ACBD6: variants seen among roughly 807,000 people sequenced by gnomAD.
ACBD6 encodes the protein acyl-CoA binding domain containing 6, also known as acyl-CoA-binding domain-containing protein 6.
In ACBD6, 28 loss-of-function variants were observed where a neutral mutation model predicts 37.2. That is an observed-to-expected ratio of 0.75 (90% CI 0.56 to 1.03). ACBD6 has a LOEUF of 1.03. Ranked by LOEUF, ACBD6 falls within the 50% of genes least tolerant of loss-of-function variation. The pLI, the probability that ACBD6 is intolerant of heterozygous loss-of-function variation, is 0.00. For missense variants in ACBD6, 340 were observed against 337.4 expected (o/e 1.01, Z -0.06); for synonymous variants, 113 against 126.8 (o/e 0.89, Z 0.73).
At chr1:180,469,691 C>T (rs1331809838) in intron 3 of ACBD6, among the ~76,000 whole-genome samples, 6 of 152,146 alleles carry the variant, frequency 3.9e-5, no homozygotes, top group Non-Finnish European at 7.4e-5. Flanking sequence ...ATTAATGTTT[C>T]CCTGTGAATA....
At chr1:180,478,916 C>A (rs1209894543) in intron 3 of ACBD6, among the ~76,000 whole-genome samples, 1 of 152,072 alleles carries the variant, frequency 6.6e-6, no homozygotes, top group Non-Finnish European at 1.5e-5. Context: ...TCACTTGAGC[C>A]CAGGTGTTCA....
intron 6 of ACBD6, among the ~76,000 whole-genome samples, chr1:180,364,973 T>C (rs1364306689): frequency 6.6e-6 from 1 of 152,168 alleles, no homozygotes; most frequent in East Asian, 1.9e-4. Flanking sequence ...GACCTCGTGA[T>C]CCGCCCACCT....
At chr1:180,488,103 TTG>T (rs59324454) in intron 3 of ACBD6, among the ~76,000 whole-genome samples, 13 of 150,706 alleles carry the variant, frequency 8.6e-5, no homozygotes, top group South Asian at 4.2e-4. Flanking sequence ...TGTGTGTGTG[TTG>T]TGTGTGTGTG....
Position 180,383,068 on chromosome 1 carries a change from C to T in ACBD6, c.663+14448G>A, listed in dbSNP as rs118110967. The stretch of plus-strand genomic sequence containing the variant: ...CAACATATAAAAGCTATATGACAAA[C>T]GCACAGCTAACATCGTACCAAATGG... On this transcript the variant is annotated intron_variant, in intron 6 of 7. Coordinates refer to ENST00000367595, the MANE Select transcript of ACBD6 (RefSeq NM_032360.4). Among the ~76,000 whole-genome samples, 103 of 152,298 alleles carry T rather than the reference C, an allele frequency of 6.8e-4. 1 individual carries two copies. In the East Asian group the frequency reaches 0.015, roughly 23 times the overall value.
intron 9 of ACBD6, chr1:180,281,198 G>C (rs1355771538): frequency 6.6e-6 from 1 of 152,134 alleles, no homozygotes; most frequent in African/African-American, 2.4e-5. Context: ...CTGGAGACTG[G>C]CACCTGAGCA....
chr1:180,457,598 G>T (rs1197561792), intron 3 of ACBD6, among the ~76,000 whole-genome samples: 1 of 151,892 alleles, frequency 6.6e-6, no homozygotes, highest in Non-Finnish European at 1.5e-5. Flanking sequence ...ACAATCAAAG[G>T]GCAGAGAAAA....
intron 6 of ACBD6, among the ~76,000 whole-genome samples, chr1:180,394,346 C>T (rs188073480): frequency 2.0e-5 from 3 of 151,876 alleles, no homozygotes; most frequent in Admixed American, 2.0e-4. Context: ...TGACTCAGCC[C>T]CCTAAAGTGC....
At chr1:180,397,740 C>T (rs1329202103) in intron 5 of ACBD6, 135 bp from the exon 6 acceptor site, 4 of 804,684 alleles carry the variant, frequency 5.0e-6, no homozygotes, top group Non-Finnish European at 8.3e-6. Context: ...ATAAAAAATG[C>T]ACTATGGAAA....
intron 6 of ACBD6, among the ~76,000 whole-genome samples, chr1:180,316,389 A>G (rs1285601321): frequency 6.6e-6 from 1 of 151,994 alleles, no homozygotes; most frequent in Admixed American, 6.6e-5. Context: ...ATGCATTCAC[A>G]TTTATAGTTT....
intron 3 of ACBD6, among the ~76,000 whole-genome samples, chr1:180,491,399 A>G (rs999411142): frequency 1.4e-4 from 22 of 152,358 alleles, no homozygotes; most frequent in African/African-American, 5.3e-4. Context: ...ATGTTCTCCA[A>G]TAAGTATATG....
chr1:180,450,284 A>G (rs1456538137), intron 3 of ACBD6, among the ~76,000 whole-genome samples: 2 of 152,252 alleles, frequency 1.3e-5, no homozygotes, highest in Non-Finnish European at 2.9e-5. Context: ...CACTATGCCT[A>G]AAACAGTCTG....
chr1:180,300,192 T>C lies in ACBD6; in HGVS notation c.695-11675A>G, dbSNP rs371627905. Among the ~76,000 whole-genome samples, 6 of 152,166 alleles carry C rather than the reference T, an allele frequency of 3.9e-5. No individual in the cohort carries two copies. In the East Asian group the frequency reaches 5.8e-4, roughly 15 times the overall value. On this transcript the variant is annotated intron_variant, in intron 7 of 7. Transcript: ENST00000367595. ...ATCCCCAAAGACATCCCCAACACTG[T>C]CTGCACTCACTGGATTTAACGATAC...
intron 3 of ACBD6, among the ~76,000 whole-genome samples, chr1:180,438,120 C>A (rs1236928823): frequency 6.6e-6 from 1 of 152,174 alleles, no homozygotes. Context: ...CTATTGTGAA[C>A]TGCACATGTG....
chr1:180,311,526 C>T (rs1301188449), intron 7 of ACBD6, among the ~76,000 whole-genome samples: 1 of 152,176 alleles, frequency 6.6e-6, no homozygotes, highest in African/African-American at 2.4e-5. Context: ...CAGCCTCCAA[C>T]TCCTGGACTC....
At chr1:180,351,392 C>T (rs1652413226) in intron 6 of ACBD6, among the ~76,000 whole-genome samples, 1 of 151,824 alleles carries the variant, frequency 6.6e-6, no homozygotes, top group African/African-American at 2.4e-5. Flanking sequence ...TCTCCTGCCT[C>T]GGCCTCCCGA....
intron 6 of ACBD6, among the ~76,000 whole-genome samples, chr1:180,393,823 T>C (rs1278429062): frequency 6.6e-6 from 1 of 152,186 alleles, no homozygotes; most frequent in African/African-American, 2.4e-5. Flanking sequence ...CACACAATGG[T>C]CATGTGAATA....
chr1:180,323,389 T>C (rs1651146678), intron 6 of ACBD6, among the ~76,000 whole-genome samples: 1 of 152,092 alleles, frequency 6.6e-6, no homozygotes, highest in Non-Finnish European at 1.5e-5. Flanking sequence ...AGTCATTCGA[T>C]GAAATGTTCT....
At chr1:180,441,434 C>T (rs1199653228) in intron 3 of ACBD6, among the ~76,000 whole-genome samples, 1 of 152,118 alleles carries the variant, frequency 6.6e-6, no homozygotes, top group Non-Finnish European at 1.5e-5. Context: ...ATTTGGGGCC[C>T]TTTGCAATTC....
intron 7 of ACBD6, among the ~76,000 whole-genome samples, chr1:180,291,471 T>C (rs908220153): frequency 4.6e-5 from 7 of 152,232 alleles, no homozygotes; most frequent in African/African-American, 9.6e-5. Context: ...TGTCTAACAA[T>C]GAACATTTCT....
Sources: gnomAD v4.1 joint callset for allele counts (sites outside exome capture counted in the v4.1 genomes callset) on GRCh38, gnomAD v4.1.1 for gene constraint, MANE v1.5 for transcripts, NCBI Gene and HGNC (gene_info 2026-07-23, HGNC 2026-07-21) for gene names.